CAB39L: variants seen among roughly 807,000 people sequenced by gnomAD.
CAB39L encodes calcium binding protein 39 like, also known as calcium-binding protein 39-like.
In CAB39L, 23 loss-of-function variants were observed where a neutral mutation model predicts 39.1. The observed-to-expected ratio is 0.59, with a 90% confidence interval of 0.42 to 0.83. The LOEUF is 0.83. Among genes scored for constraint, CAB39L ranks in the 40% least tolerant of loss-of-function variants. The probability of loss-of-function intolerance (pLI) is 0.00; values close to 1 mark genes in which losing one functional copy is unlikely to be tolerated. For missense variants in CAB39L, 366 were observed against 391.9 expected (o/e 0.93, Z 0.56); for synonymous variants, 126 against 137.2 (o/e 0.92, Z 0.57).
At chr13:49,328,458 A>G (rs1954568788) in intron 10 of CAB39L, among the ~76,000 whole-genome samples, 1 of 152,148 alleles carries the variant, frequency 6.6e-6, no homozygotes, top group African/African-American at 2.4e-5. Context: ...TGTCAGTTAT[A>G]TATGTCACAT....
chr13:49,377,835 C>A (rs1224059778), intron 4 of CAB39L, among the ~76,000 whole-genome samples: 3 of 79,822 alleles, frequency 3.8e-5, no homozygotes, highest in South Asian at 3.9e-4. Context: ...TGTGAGGAGC[C>A]CCTCTGCCTG....
intron 5 of CAB39L, among the ~76,000 whole-genome samples, chr13:49,365,853 T>C (rs1442497275): frequency 1.3e-5 from 2 of 152,224 alleles, no homozygotes; most frequent in African/African-American, 4.8e-5. Flanking sequence ...CTCCCATATA[T>C]GTTGCAGTAT....
intron 5 of CAB39L, among the ~76,000 whole-genome samples, chr13:49,361,561 AAAAGAAAGAAAGAAAG>A (rs60755841): frequency 8.2e-6 from 1 of 122,042 alleles, no homozygotes; most frequent in South Asian, 2.4e-4. Flanking sequence ...AAAGAGAAAG[AAAAGAAAGAAAGAAAG>A]AAAGAAAGAG....
chr13:49,405,329 T>C (rs1406988550), intron 3 of CAB39L, among the ~76,000 whole-genome samples: 1 of 151,400 alleles, frequency 6.6e-6, no homozygotes, highest in African/African-American at 2.4e-5. Flanking sequence ...TTATATCCAG[T>C]GAAAATATCC....
intron 3 of CAB39L, among the ~76,000 whole-genome samples, chr13:49,400,115 G>C (rs1038815377): frequency 6.6e-6 from 1 of 152,068 alleles, no homozygotes; most frequent in East Asian, 1.9e-4. Flanking sequence ...CTCTGCAGAA[G>C]TTTTCATTTC....
intron 8 of CAB39L, among the ~76,000 whole-genome samples, chr13:49,342,859 C>T (rs757414352): frequency 8.5e-5 from 13 of 152,156 alleles, no homozygotes; most frequent in Admixed American, 3.9e-4. Flanking sequence ...TTTTTCACTT[C>T]ATCTTAGCCA....
chr13:49,339,533 C>A, intron 9 of CAB39L, 144 bp downstream of exon 9: 1 of 946,888 alleles, frequency 1.1e-6, no homozygotes, highest in Non-Finnish European at 1.4e-6. Context: ...ACAGTCATAA[C>A]ATAAAATATA....
intron 3 of CAB39L, among the ~76,000 whole-genome samples, chr13:49,398,146 G>A (rs535211793): frequency 6.6e-6 from 1 of 152,122 alleles, no homozygotes; most frequent in Non-Finnish European, 1.5e-5. Flanking sequence ...CGGTTTTTCT[G>A]GCTGAGTAAT....
At chr13:49,330,062 T>C (rs1286316508) in intron 10 of CAB39L, among the ~76,000 whole-genome samples, 1 of 152,172 alleles carries the variant, frequency 6.6e-6, no homozygotes, top group Non-Finnish European at 1.5e-5. Context: ...TCAAGGTGGC[T>C]AGTCAACAAC....
In CAB39L at chr13:49,359,719, G is replaced by A. The variant is rs752802320; in HGVS notation, c.390C>T (p.Leu130=). The part of the protein sequence containing the change: ...SAHPHILFML[L]KGYEAPQIAL... ...AAAGGAAGCCATGTACCTACCCTTT[G>A]AGGAGCATAAACAGGATATGAGGAT... Residue 130 remains leucine, a synonymous_variant, in exon 6 of 11, where the codon CTC becomes CTT. Transcript: ENST00000409308. The A allele has an allele frequency of 6.4e-7, 1 of 1,571,018 alleles. No homozygotes were observed. The highest frequency in any genetic ancestry group is 1.1e-5 in the South Asian group (1 of 89,190).
intron 1 of CAB39L, among the ~76,000 whole-genome samples, chr13:49,443,633 G>A (rs1206295929): frequency 5.9e-5 from 9 of 152,042 alleles, no homozygotes; most frequent in Admixed American, 5.9e-4. Context: ...GAATCTTTGC[G>A]AGACAAAAAT....
At chr13:49,437,192 A>T (rs1957431627) in intron 1 of CAB39L, among the ~76,000 whole-genome samples, 2 of 152,268 alleles carry the variant, frequency 1.3e-5, no homozygotes, top group Non-Finnish European at 2.9e-5. Context: ...ATAGTTGTGT[A>T]TAGGCAGAAG....
intron 7 of CAB39L, among the ~76,000 whole-genome samples, chr13:49,345,918 AGT>A (rs1566079022): frequency 6.6e-6 from 1 of 151,874 alleles, no homozygotes; most frequent in Non-Finnish European, 1.5e-5. Context: ...GTCATACATT[AGT>A]GTTACCCCAA....
intron 8 of CAB39L, among the ~76,000 whole-genome samples, chr13:49,342,739 A>G (rs1359311047): frequency 6.6e-6 from 1 of 152,196 alleles, no homozygotes; most frequent in African/African-American, 2.4e-5. Context: ...ATACGCGGCT[A>G]CTGAGCACTT....
chr13:49,378,257 G>A (rs1956142573), intron 4 of CAB39L, among the ~76,000 whole-genome samples: 1 of 92,484 alleles, frequency 1.1e-5, no homozygotes, highest in Non-Finnish European at 2.2e-5. Context: ...GTCAGGGAGG[G>A]AGGTGGGGGG....
Position 49,346,075 on chromosome 13 carries a change from G to GATATATATATATATATATGCTAGAT in CAB39L, c.565-1838_565-1837insATCTAGCATATATATATATATATAT, listed in dbSNP as rs1566079127. ...TCCTCCAGCATATATATATATGCTA[G>GATATATATATATATATATGCTAGAT]ATATATATATATATATATATGCTAG... On this transcript the variant is annotated intron_variant, in intron 7 of 10. Transcript: ENST00000409308. 8.6e-5 allele frequency among the ~76,000 whole-genome samples: 7 copies of GATATATATATATATATATGCTAGAT among 81,516 alleles called. 1 individual carries two copies. In the South Asian group the frequency reaches 1.2e-3, roughly 14 times the overall value. 53.5% of individuals were successfully genotyped at this position (81,516 alleles called of 152,430 possible).
At chr13:49,395,844 G>T (rs989958387) in intron 3 of CAB39L, among the ~76,000 whole-genome samples, 1 of 152,108 alleles carries the variant, frequency 6.6e-6, no homozygotes, top group African/African-American at 2.4e-5. Flanking sequence ...GGGGGCAGGG[G>T]GGTAGGAGAG....
chr13:49,330,698 T>C (rs1954666739), intron 10 of CAB39L, among the ~76,000 whole-genome samples: 1 of 150,162 alleles, frequency 6.7e-6, no homozygotes, highest in Non-Finnish European at 1.5e-5. Context: ...ATAAATTTAT[T>C]ATTTATTTTT....
chr13:49,321,214 T>C (rs2138353936), intron 10 of CAB39L, among the ~76,000 whole-genome samples: 1 of 152,350 alleles, frequency 6.6e-6, no homozygotes. Context: ...TGCAGCATTT[T>C]TTTCTTGTGC....
Sources: allele counts gnomAD v4.1 joint callset (sites outside exome capture counted in the v4.1 genomes callset), GRCh38; gene constraint gnomAD v4.1.1; transcripts MANE v1.5; gene names NCBI Gene and HGNC (gene_info 2026-07-23, HGNC 2026-07-21).